Variants in NFATC3 observed in about 807,000 individuals in gnomAD.
NFATC3 encodes the protein nuclear factor of activated T cells 3.
Under a neutral mutation model 98.6 loss-of-function variants are expected in NFATC3, and 46 were observed. The ratio of observed to expected loss-of-function variants is 0.47; its 90% CI spans 0.37 to 0.60. The LOEUF is 0.60. Among genes scored for constraint, NFATC3 ranks in the 20% least tolerant of loss-of-function variants. The pLI is 0.00. For missense variants in NFATC3, 1,256 were observed against 1,295.5 expected (o/e 0.97, Z 0.47); for synonymous variants, 512 against 472.2 (o/e 1.08, Z -1.09).
At chr16:68,156,862 C>T (rs2038645998) in intron 3 of NFATC3, among the ~76,000 whole-genome samples, 1 of 152,030 alleles carries the variant, frequency 6.6e-6, no homozygotes, top group South Asian at 2.1e-4. Context: ...TCGCTTGAAC[C>T]CAGGAGGCAG....
chr16:68,108,443 T>C (rs2035780930), intron 1 of NFATC3, among the ~76,000 whole-genome samples: 1 of 152,198 alleles, frequency 6.6e-6, no homozygotes, highest in Non-Finnish European at 1.5e-5. Flanking sequence ...TTTGTGTCTG[T>C]TTTTGTACCA....
intron 9 of NFATC3, among the ~76,000 whole-genome samples, chr16:68,194,211 G>A (rs575863998): frequency 2.0e-5 from 3 of 152,264 alleles, no homozygotes; most frequent in African/African-American, 7.2e-5. Context: ...CACTACAGCT[G>A]CCTCTCAGAA....
At chr16:68,148,683 A>T (rs2038161781) in intron 3 of NFATC3, among the ~76,000 whole-genome samples, 1 of 152,182 alleles carries the variant, frequency 6.6e-6, no homozygotes, top group African/African-American at 2.4e-5. Flanking sequence ...GTGAGACTGA[A>T]AACAAGAAGA....
At chr16:68,137,468 AT>A (rs1345641830) in intron 3 of NFATC3, among the ~76,000 whole-genome samples, 1 of 152,066 alleles carries the variant, frequency 6.6e-6, no homozygotes, top group South Asian at 2.1e-4. Context: ...ATGACTGTAC[AT>A]TTTACAGGTG....
At chr16:68,194,136 T>C (rs1273372061) in intron 9 of NFATC3, among the ~76,000 whole-genome samples, 1 of 152,198 alleles carries the variant, frequency 6.6e-6, no homozygotes, top group Non-Finnish European at 1.5e-5. Flanking sequence ...GTTGGACTTT[T>C]GAAAAATCAC....
intron 9 of NFATC3, among the ~76,000 whole-genome samples, chr16:68,222,289 CAAAAAAAAAAAAAAAAAAAAAAAAAA>C (rs58981935): frequency 7.6e-5 from 2 of 26,404 alleles, no homozygotes; most frequent in East Asian, 2.8e-3. Context: ...ACCCCATTGC[CAAAAAAAAAAAAAAAAAAAAAAAAAA>C]AAAAAAAAAA....
intron 1 of NFATC3, chr16:68,088,996 C>G: frequency 1.0e-6 from 1 of 985,374 alleles, no homozygotes; most frequent in Non-Finnish European, 1.2e-6. Context: ...ATAAATAACA[C>G]CTAAGTTTTG....
At chr16:68,213,094 C>G (rs1429123982) in intron 9 of NFATC3, among the ~76,000 whole-genome samples, 1 of 150,308 alleles carries the variant, frequency 6.7e-6, no homozygotes, top group East Asian at 2.0e-4. Flanking sequence ...CCACCATGCC[C>G]GGCCTGTTTC....
At chr16:68,164,430 G>C (rs1380443092) in intron 4 of NFATC3, among the ~76,000 whole-genome samples, 1 of 152,140 alleles carries the variant, frequency 6.6e-6, no homozygotes, top group Non-Finnish European at 1.5e-5. Flanking sequence ...GAGAGGGAGA[G>C]CGCCTAATCT....
chr16:68,100,593 CA>C (rs900490902), intron 1 of NFATC3, among the ~76,000 whole-genome samples: 66 of 141,832 alleles, frequency 4.7e-4, no homozygotes, highest in African/African-American at 8.8e-4. Context: ...ACAAAACAAA[CA>C]AAAAAAAAAA....
chr16:68,103,187 T>C (rs1356294653), intron 1 of NFATC3, among the ~76,000 whole-genome samples: 2 of 150,952 alleles, frequency 1.3e-5, no homozygotes, highest in Non-Finnish European at 3.0e-5. Context: ...CTTCTTTTTT[T>C]TTTATTTTAT....
intron 9 of NFATC3, chr16:68,192,027 T>A (rs1384897410): frequency 2.5e-6 from 1 of 394,380 alleles, no homozygotes; most frequent in Non-Finnish European, 4.7e-6. Flanking sequence ...GCCAACATGG[T>A]GTAACGCTGT....
At chr16:68,217,008 A>G (rs1350793139) in intron 9 of NFATC3, among the ~76,000 whole-genome samples, 1 of 152,196 alleles carries the variant, frequency 6.6e-6, no homozygotes, top group African/African-American at 2.4e-5. Flanking sequence ...AGTGAAGGAT[A>G]TCTTCAAATC....
chr16:68,116,633 G>T (rs188140613), intron 1 of NFATC3, among the ~76,000 whole-genome samples: 1 of 152,198 alleles, frequency 6.6e-6, no homozygotes, highest in African/African-American at 2.4e-5. Flanking sequence ...AATTTTGTGT[G>T]CAGGTCTCTG....
chr16:68,122,245 A>C lies in NFATC3; in HGVS notation c.362A>C (p.His121Pro), dbSNP rs939628117. Residue 121 changes from histidine to proline, a missense_variant, in exon 2 of 10, where the codon CAT becomes CCT. Coordinates refer to ENST00000346183, the MANE Select transcript of NFATC3 (RefSeq NM_173165.3). ...IQITSISPNCHQELDAHEDDL... is the reference protein window; with the variant it reads ...IQITSISPNCPQELDAHEDDL... ...ATTACATCTATCTCTCCTAACTGTC[A>C]TCAAGAATTAGATGCACATGAAGAT... 9 of 1,614,124 alleles carry C rather than the reference A, an allele frequency of 5.6e-6. No individual in the cohort carries two copies. Among genetic ancestry groups the C allele is most frequent in the Non-Finnish European group, 7.6e-6 (9 of 1,180,010 alleles).
Position 68,191,390 on chromosome 16 carries a change from G to T in NFATC3, c.2721G>T (p.Ser907=). 6.2e-7 allele frequency: 1 copy of T among 1,614,146 alleles called. No individual in the cohort carries two copies. Among genetic ancestry groups the T allele is most frequent in the Non-Finnish European group, 8.5e-7 (1 of 1,180,018 alleles). Residue 907 remains serine, a synonymous_variant, in exon 9 of 10, where the codon TCG becomes TCT. Coordinates refer to ENST00000346183, the MANE Select transcript of NFATC3 (RefSeq NM_173165.3). ...CTGACCAGATTACAGGTCAGCCTTC[G>T]TCTCAGTTACAACCTATTACATATG... ...PVADQITGQP[S]SQLQPITYGP...
chr16:68,208,617 C>G (rs1449070815), intron 9 of NFATC3, among the ~76,000 whole-genome samples: 4 of 151,930 alleles, frequency 2.6e-5, no homozygotes, highest in African/African-American at 9.7e-5. Flanking sequence ...GTAATCCCAG[C>G]TATTTGTGGG....
intron 1 of NFATC3, among the ~76,000 whole-genome samples, chr16:68,100,242 A>G (rs116066829): frequency 0.013 from 1,908 of 152,174 alleles, 38 homozygotes; most frequent in African/African-American, 0.043. Context: ...ACCCAGAAGT[A>G]CAAATGCCTC....
At chr16:68,150,803 A>G (rs2038279479) in intron 3 of NFATC3, among the ~76,000 whole-genome samples, 2 of 152,296 alleles carry the variant, frequency 1.3e-5, no homozygotes, top group East Asian at 3.9e-4. Context: ...TGGCTTCCCC[A>G]TGCTGTTCTC....
Sources: gnomAD v4.1 joint callset for allele counts (sites outside exome capture counted in the v4.1 genomes callset) on GRCh38, gnomAD v4.1.1 for gene constraint, MANE v1.5 for transcripts, NCBI Gene and HGNC (gene_info 2026-07-23, HGNC 2026-07-21) for gene names.